The following PCDHGA1 variants were observed in gnomAD, a reference collection of about 807,000 sequenced individuals.
PCDHGA1 encodes protocadherin gamma subfamily A, 1.
Under a neutral mutation model 58.0 loss-of-function variants are expected in PCDHGA1, and 32 were observed. The ratio of observed to expected loss-of-function variants is 0.55; its 90% CI spans 0.42 to 0.74. The LOEUF (loss-of-function observed/expected upper bound fraction) is 0.74, where lower values mean the gene tolerates loss of function less well. Ranked by LOEUF, PCDHGA1 falls within the 30% of genes least tolerant of loss-of-function variation. The probability of loss-of-function intolerance (pLI) is 0.00; values close to 1 mark genes in which losing one functional copy is unlikely to be tolerated. For missense variants in PCDHGA1, 1,205 were observed against 1,182.3 expected (o/e 1.02, Z -0.28); for synonymous variants, 498 against 501.1 (o/e 0.99, Z 0.08).
At chr5:141,508,859 G>C (rs1268915304) in intron 3 of PCDHGA1, among the ~76,000 whole-genome samples, 1 of 152,086 alleles carries the variant, frequency 6.6e-6, no homozygotes, top group Non-Finnish European at 1.5e-5. Flanking sequence ...CCCAGGCTGG[G>C]AAAGGCTGAA....
intron 1 of PCDHGA1, chr5:141,394,278 T>C: frequency 6.2e-7 from 1 of 1,613,924 alleles, no homozygotes; most frequent in Non-Finnish European, 8.5e-7. Context: ...CCAGGTCACT[T>C]ACTCTGTGAC....
intron 1 of PCDHGA1, chr5:141,344,375 G>A (rs1397752889): frequency 3.1e-6 from 5 of 1,613,162 alleles, no homozygotes; most frequent in Non-Finnish European, 4.2e-6. Context: ...AGGATAAATT[G>A]AAAATTTTTG....
chr5:141,491,648 T>C lies in PCDHGA1; in HGVS notation c.2422-3159T>C. ...GTTCAGCAGCCCACAGCTCTGGCGC[T>C]GGAGCCTGACGCCATCCGGTCCCGC... On this transcript the variant is annotated intron_variant, in intron 1 of 3. Transcript: ENST00000517417. The surrounding 1 kb of genome is among the most constrained non-coding windows in gnomAD (Gnocchi z 6.9). 2 of 1,613,834 alleles carry C rather than the reference T, an allele frequency of 1.2e-6. No individual in the cohort carries two copies. Among genetic ancestry groups the C allele is most frequent in the South Asian group, 1.1e-5 (1 of 91,082 alleles).
Position 141,383,130 on chromosome 5 carries a change from G to C in PCDHGA1, c.2421+50025G>C, listed in dbSNP as rs1328104143. On this transcript the variant is annotated intron_variant, in intron 1 of 3. Coordinates refer to ENST00000517417, the MANE Select transcript of PCDHGA1 (RefSeq NM_018912.3). ...GAGGTAGGACGCAGCTTTTCGCCCT[G>C]AACCAGCGCAGCGGCAGCTTGGTCA... 3.1e-6 allele frequency: 5 copies of C among 1,614,008 alleles called. No homozygotes were observed. In the African/African-American group the frequency reaches 5.3e-5, roughly 17 times the overall value.
intron 1 of PCDHGA1, chr5:141,365,899 G>A (rs747004585): frequency 6.2e-7 from 1 of 1,614,198 alleles, no homozygotes; most frequent in Non-Finnish European, 8.5e-7. Context: ...TCGACTATGA[G>A]CAGTTGAGAG....
At chr5:141,505,282 G>C (rs73280377) in intron 2 of PCDHGA1, 111 bp from the exon 3 acceptor site, 37,017 of 1,544,812 alleles carry the variant, frequency 0.024, 1,115 homozygotes, top group African/African-American at 0.15. Context: ...AACAGGTCTT[G>C]GGCATGGGGT....
chr5:141,333,278 T>C, intron 1 of PCDHGA1, 173 bp downstream of exon 1: 1 of 963,806 alleles, frequency 1.0e-6, no homozygotes, highest in Non-Finnish European at 1.5e-6. Flanking sequence ...TGCAGGTATA[T>C]TTATAATTGT....
intron 1 of PCDHGA1, chr5:141,352,480 C>G (rs973074211): frequency 6.2e-7 from 1 of 1,614,012 alleles, no homozygotes; most frequent in East Asian, 2.2e-5. Context: ...CCAACCACAG[C>G]GAGGGGACTT....
intron 1 of PCDHGA1, chr5:141,375,492 C>G (rs1479166064): frequency 9.9e-6 from 16 of 1,614,008 alleles, no homozygotes; most frequent in Non-Finnish European, 1.4e-5. Context: ...AGGGGTGCCT[C>G]CATCTTCTCT....
chr5:141,377,447 A>T (rs1397371836), intron 1 of PCDHGA1: 1 of 152,082 alleles, frequency 6.6e-6, no homozygotes, highest in African/African-American at 2.4e-5. Context: ...AAGAAAAAAA[A>T]GTAGCCAGAT....
At chr5:141,383,007 G>T (rs1047921009) in intron 1 of PCDHGA1, 1 of 1,613,748 alleles carries the variant, frequency 6.2e-7, no homozygotes, top group Admixed American at 1.7e-5. Context: ...ACTCCGTGTC[G>T]GAGGAGACGG....
chr5:141,408,144 G>A (rs868032463), intron 1 of PCDHGA1: 1 of 1,496,186 alleles, frequency 6.7e-7, no homozygotes, highest in Non-Finnish European at 8.9e-7. Flanking sequence ...CTTTTAGCGC[G>A]GTAGAGTGCA....
intron 1 of PCDHGA1, among the ~76,000 whole-genome samples, chr5:141,459,812 A>G (rs1390780491): frequency 1.3e-5 from 2 of 152,232 alleles, no homozygotes; most frequent in South Asian, 2.1e-4. Context: ...GACTAGAGAC[A>G]CTGAGCAACT....
intron 1 of PCDHGA1, chr5:141,365,323 T>C (rs1307889489): frequency 6.2e-7 from 1 of 1,613,858 alleles, no homozygotes; most frequent in African/African-American, 1.3e-5. Flanking sequence ...TTGCCAGCGC[T>C]AAGGTGGTGG....
chr5:141,374,160 C>T, intron 1 of PCDHGA1: 1 of 1,612,164 alleles, frequency 6.2e-7, no homozygotes, highest in Non-Finnish European at 8.5e-7. Context: ...CTGTGGGGGG[C>T]CGCGGCAGCG....
At chr5:141,350,709 C>T in intron 1 of PCDHGA1, 2 of 1,613,964 alleles carry the variant, frequency 1.2e-6, no homozygotes, top group Non-Finnish European at 1.7e-6. Context: ...GTAAAATTCT[C>T]TCTGGATTCT....
intron 1 of PCDHGA1, chr5:141,441,802 T>C (rs2098274220): frequency 2.6e-6 from 1 of 382,538 alleles, no homozygotes; most frequent in South Asian, 2.1e-5. Flanking sequence ...GCACCGCGGG[T>C]GCTGTACCCC....
chr5:141,381,826 C>CTTTTTTTTTTTTTT (rs770630741), intron 1 of PCDHGA1, among the ~76,000 whole-genome samples: 11 of 74,282 alleles, frequency 1.5e-4, no homozygotes, highest in Non-Finnish European at 1.7e-4. Context: ...CTTTCTTCTT[C>CTTTTTTTTTTTTTT]TTTTTTTTTT....
intron 1 of PCDHGA1, chr5:141,421,219 G>T (rs894586889): frequency 1.0e-5 from 16 of 1,573,208 alleles, no homozygotes; most frequent in Non-Finnish European, 1.3e-5. Context: ...TATCGGCTTA[G>T]AGCCTGCCAT....
Sources: allele counts gnomAD v4.1 joint callset (sites outside exome capture counted in the v4.1 genomes callset), GRCh38; gene constraint gnomAD v4.1.1; non-coding constraint Gnocchi (gnomAD v3.1); transcripts MANE v1.5; gene names NCBI Gene and HGNC (gene_info 2026-07-23, HGNC 2026-07-21).